Variants in WWOX observed in about 807,000 individuals in gnomAD.
WWOX encodes the protein WW domain containing oxidoreductase.
A neutral mutation model predicts 46.2 loss-of-function variants in WWOX; 69 were observed. The ratio of observed to expected loss-of-function variants is 1.49; its 90% CI spans 1.23 to 1.82. The LOEUF (loss-of-function observed/expected upper bound fraction) is 1.82, where lower values mean the gene tolerates loss of function less well. Ranked by LOEUF, WWOX falls within the 40% of genes most tolerant of loss-of-function variation. The pLI is 0.00. For missense variants in WWOX, 919 were observed against 542.6 expected (o/e 1.69, Z -6.89); for synonymous variants, 359 against 202.6 (o/e 1.77, Z -6.56).
chr16:78,970,681 G>A (rs973146387), intron 8 of WWOX, among the ~76,000 whole-genome samples: 1 of 152,084 alleles, frequency 6.6e-6, no homozygotes, highest in Non-Finnish European at 1.5e-5. Context: ...TTCATTTGAG[G>A]CCATAATTTA....
chr16:79,137,492 C>A (rs188156656), intron 8 of WWOX, among the ~76,000 whole-genome samples: 31 of 152,262 alleles, frequency 2.0e-4, no homozygotes, highest in Admixed American at 5.2e-4. Context: ...CAGGTAGTTT[C>A]CTTTCTCTCA....
At chr16:78,117,555 A>G (rs2032861820) in intron 4 of WWOX, among the ~76,000 whole-genome samples, 1 of 152,196 alleles carries the variant, frequency 6.6e-6, no homozygotes, top group Admixed American at 6.5e-5. Flanking sequence ...AGATAGGCAC[A>G]TGGCTTTGCT....
intron 8 of WWOX, among the ~76,000 whole-genome samples, chr16:78,722,224 T>C (rs1365605364): frequency 2.0e-5 from 3 of 152,206 alleles, no homozygotes; most frequent in Admixed American, 6.5e-5. Context: ...GTAGTAGTTA[T>C]GGTCACTGAC....
chr16:78,974,002 A>C (rs1444456649), intron 8 of WWOX, among the ~76,000 whole-genome samples: 3 of 152,200 alleles, frequency 2.0e-5, no homozygotes, highest in Non-Finnish European at 4.4e-5. Context: ...TCTTTTCCCT[A>C]GCACAAAACT....
chr16:79,120,653 C>G (rs750271517), intron 8 of WWOX, among the ~76,000 whole-genome samples: 1 of 152,182 alleles, frequency 6.6e-6, no homozygotes, highest in African/African-American at 2.4e-5. Context: ...TCGCCCTTCC[C>G]GGCTTCAGGT....
At chr16:79,058,385 A>ATG (rs1169506621) in intron 8 of WWOX, among the ~76,000 whole-genome samples, 6 of 85,058 alleles carry the variant, frequency 7.1e-5, no homozygotes, top group African/African-American at 4.1e-4. Flanking sequence ...CTCTGGATAA[A>ATG]TATACTTTTG....
intron 8 of WWOX, among the ~76,000 whole-genome samples, chr16:78,616,718 A>G (rs2046034160): frequency 6.6e-6 from 1 of 151,984 alleles, no homozygotes; most frequent in Non-Finnish European, 1.5e-5. Flanking sequence ...GTGAGCTGAG[A>G]TGGTGCCACT....
intron 8 of WWOX, among the ~76,000 whole-genome samples, chr16:78,680,178 G>A (rs147439318): frequency 0.027 from 4,060 of 152,298 alleles, 112 homozygotes; most frequent in Non-Finnish European, 0.029. Flanking sequence ...GGGAGGCTGA[G>A]GCTGGTGGAT....
At chr16:78,692,200 C>G (rs112831066) in intron 8 of WWOX, among the ~76,000 whole-genome samples, 1,577 of 152,290 alleles carry the variant, frequency 0.01, 34 homozygotes, top group African/African-American at 0.036. Context: ...TGTACTTCAA[C>G]CTGGAACTGT....
intron 8 of WWOX, among the ~76,000 whole-genome samples, chr16:78,560,165 C>T (rs1367184109): frequency 1.3e-5 from 2 of 152,148 alleles, no homozygotes; most frequent in Non-Finnish European, 2.9e-5. Flanking sequence ...GGCTTTTCTC[C>T]AGCTAGTAGC....
intron 8 of WWOX, among the ~76,000 whole-genome samples, chr16:78,677,948 C>G (rs957533571): frequency 1.3e-5 from 2 of 152,182 alleles, no homozygotes; most frequent in South Asian, 4.1e-4. Context: ...CAAATATGTC[C>G]TTTTCAGGGA....
chr16:78,175,101 G>C (rs905424159), intron 5 of WWOX, among the ~76,000 whole-genome samples: 5 of 152,074 alleles, frequency 3.3e-5, no homozygotes, highest in African/African-American at 1.2e-4. Flanking sequence ...TCCATCCGTA[G>C]AGGGCAGAAA....
chr16:78,636,296 A>G (rs1181274926), intron 8 of WWOX, among the ~76,000 whole-genome samples: 1 of 152,168 alleles, frequency 6.6e-6, no homozygotes, highest in East Asian at 1.9e-4. Flanking sequence ...GCTCTACCAG[A>G]CACCTCAGAG....
chr16:78,570,535 T>C (rs117305715), intron 8 of WWOX, among the ~76,000 whole-genome samples: 2 of 151,996 alleles, frequency 1.3e-5, no homozygotes, highest in African/African-American at 4.8e-5. Flanking sequence ...GCTGGTCTCA[T>C]ATGCCTGGAC....
chr16:78,189,195 T>C (rs2035803358), intron 5 of WWOX, among the ~76,000 whole-genome samples: 1 of 152,180 alleles, frequency 6.6e-6, no homozygotes, highest in African/African-American at 2.4e-5. Flanking sequence ...ATACCTAGAT[T>C]CCAGAGGTGG....
intron 1 of WWOX, among the ~76,000 whole-genome samples, chr16:78,102,334 C>T (rs1250154873): frequency 6.6e-6 from 1 of 152,086 alleles, no homozygotes; most frequent in Non-Finnish European, 1.5e-5. Context: ...TTGTGAGGGT[C>T]CAGGAATGTG....
intron 8 of WWOX, among the ~76,000 whole-genome samples, chr16:78,521,091 G>C (rs1334291675): frequency 2.6e-5 from 4 of 152,202 alleles, no homozygotes; most frequent in Admixed American, 1.3e-4. Context: ...TAACTGCCCA[G>C]TGAAGAAATG....
At chr16:79,125,145 T>A (rs1351139448) in intron 8 of WWOX, among the ~76,000 whole-genome samples, 1 of 151,866 alleles carries the variant, frequency 6.6e-6, no homozygotes, top group African/African-American at 2.4e-5. Context: ...TGAAAAGAAA[T>A]CCTGGAATTC....
intron 5 of WWOX, among the ~76,000 whole-genome samples, chr16:78,235,496 C>T (rs897913432): frequency 9.2e-5 from 14 of 152,164 alleles, no homozygotes; most frequent in African/African-American, 2.9e-4. Flanking sequence ...ATGGAAAAGC[C>T]TCCGGACCGG....
Sources: allele counts gnomAD v4.1 joint callset (sites outside exome capture counted in the v4.1 genomes callset), GRCh38; gene constraint gnomAD v4.1.1; transcripts MANE v1.5; gene names NCBI Gene and HGNC (gene_info 2026-07-23, HGNC 2026-07-21).